The following ZNF594 variants were observed in gnomAD, a reference collection of about 807,000 sequenced individuals.
The protein encoded by ZNF594 is zinc finger protein HZF18.
For missense variants in ZNF594, 1,037 were observed against 964.6 expected (o/e 1.08, Z -0.99); for synonymous variants, 336 against 309.4 (o/e 1.09, Z -0.90).
At position 5,184,224 on chromosome 17, in the gene ZNF594, A is replaced by C; in HGVS notation, c.33T>G (p.Ser11=). 6.2e-7 allele frequency: 1 copy of C among 1,613,026 alleles called. No homozygotes were observed. Among genetic ancestry groups the C allele is most frequent in the Non-Finnish European group, 8.5e-7 (1 of 1,179,738 alleles). MKEWKSKMEI[S]EEKKSARAAS... ...CAGCCCTTGCTGACTTCTTTTCTTC[A>C]GAAATTTCCATCTTTGATTTCCATT... The change falls in exon 2 of 2, where the codon TCT becomes TCG. Residue 11 remains serine (S), a synonymous_variant. Transcript: ENST00000575779.
chr17:5,188,824 T>C (rs2074403258), intron 1 of ZNF594, among the ~76,000 whole-genome samples: 1 of 150,730 alleles, frequency 6.6e-6, no homozygotes, highest in African/African-American at 2.4e-5. Context: ...CTCGGCTCAC[T>C]GCAAGCTCCG....
Position 5,182,433 on chromosome 17 carries a change from GCT to G in ZNF594, c.1822_1823del (p.Ser608LeufsTer8), listed in dbSNP as rs762748873. 2 of 1,613,674 alleles carry G rather than the reference GCT, an allele frequency of 1.2e-6. No homozygotes were observed. The highest frequency in any genetic ancestry group is 2.2e-5 in the South Asian group (2 of 91,060). On this transcript the variant is annotated frameshift_variant, in exon 2 of 2. Coordinates refer to ENST00000575779, the MANE Select transcript of ZNF594 (RefSeq NM_032530.2). LOFTEE classifies it low-confidence loss of function (END_TRUNC). ...CKECGKTFNQ[S>X]SDLLRHHRIH... ...TTCTATGATGTCTCAGAAGGTCTGA[GCT>G]CTGATTGAAAGTTTTCCCACATTCT...
At chr17:5,177,914 G>A (rs990328144), downstream of ZNF594, among the ~76,000 whole-genome samples, 11 of 151,924 alleles carry the variant, frequency 7.2e-5, no homozygotes, top group South Asian at 6.2e-4. Context: ...TACATATACC[G>A]AAGGATTTGA....
In ZNF594 at chr17:5,183,602, C is replaced by T. The variant is rs200714230; in HGVS notation, c.655G>A (p.Ala219Thr). ...ACAAGGTTTGAGCTTCCCTTAAAAG[C>T]CTTCCCACACTCTTTGCACTCATAG... Reference protein sequence around the residue: ...NPYECKECGKAFKGSSNLVLH... With the variant: ...NPYECKECGKTFKGSSNLVLH... The change falls in exon 2 of 2, where the codon GCT becomes ACT. Residue 219 changes from alanine to threonine, a missense_variant. By Grantham distance (58) the Ala-to-Thr change is moderately conservative. Transcript: ENST00000575779. 2.7e-4 allele frequency: 433 copies of T among 1,614,174 alleles called. 2 individuals carry two copies. Among genetic ancestry groups the T allele is most frequent in the South Asian group, 1.8e-3 (168 of 91,084 alleles).
intron 1 of ZNF594, among the ~76,000 whole-genome samples, chr17:5,187,285 C>T (rs1267325133): frequency 2.0e-5 from 3 of 152,170 alleles, no homozygotes; most frequent in Non-Finnish European, 2.9e-5. Context: ...ATGATAAAAC[C>T]ATCAGATCTC....
At chr17:5,187,995 C>A (rs1032723591) in intron 1 of ZNF594, among the ~76,000 whole-genome samples, 1 of 150,324 alleles carries the variant, frequency 6.7e-6, no homozygotes, top group Non-Finnish European at 1.5e-5. Flanking sequence ...GCTGGGATTG[C>A]AGGTGTGAGG....
chr17:5,184,146 G>A lies in ZNF594; in HGVS notation c.111C>T (p.Thr37=). 4.3e-6 allele frequency: 7 copies of A among 1,614,130 alleles called. No homozygotes were observed. Among genetic ancestry groups the A allele is most frequent in the Non-Finnish European group, 5.9e-6 (7 of 1,180,032 alleles). Residue 37 remains threonine, a synonymous_variant, in exon 2 of 2, where the codon ACC becomes ACT. Coordinates refer to ENST00000575779, the MANE Select transcript of ZNF594 (RefSeq NM_032530.2). ...TCAATAATCTGTCCTCAGAATTACT[G>A]GTTTCAACTAACTCACATTCCTGGG... The part of the protein sequence containing the change: ...QITQECELVE[T]SNSEDRLLKH...
intron 1 of ZNF594, chr17:5,191,510 T>C (rs2074424233): frequency 6.6e-6 from 1 of 152,102 alleles, no homozygotes; most frequent in South Asian, 2.1e-4. Context: ...CCGTTAGCGG[T>C]ACCCACAGGA....
chr17:5,180,692 TA>T lies in ZNF594; in HGVS notation c.*1140del, dbSNP rs1384153793. 8.2e-6 allele frequency: 2 copies of T among 242,448 alleles called. No individual in the cohort carries two copies. Among genetic ancestry groups the T allele is most frequent in the Non-Finnish European group, 1.6e-5 (2 of 122,952 alleles). 15.0% of individuals were successfully genotyped at this position (242,448 alleles called of 1,614,324 possible). On this transcript the variant is annotated 3_prime_UTR_variant, in exon 2 of 2. Coordinates refer to ENST00000575779, the MANE Select transcript of ZNF594 (RefSeq NM_032530.2). ...TTTGTATGTTAAAAAATAAATAATT[TA>T]AAAAATTGTATCGTTGGGACCATAT...
intron 1 of ZNF594, among the ~76,000 whole-genome samples, chr17:5,188,405 G>C (rs1350762652): frequency 6.6e-6 from 1 of 151,740 alleles, no homozygotes; most frequent in African/African-American, 2.4e-5. Flanking sequence ...TCTGTATGAA[G>C]GCTTTCAAGT....
downstream of ZNF594, among the ~76,000 whole-genome samples, chr17:5,179,074 C>G (rs1428798559): frequency 6.6e-6 from 1 of 151,468 alleles, no homozygotes; most frequent in Non-Finnish European, 1.5e-5. Flanking sequence ...GAAGGCAGGA[C>G]CACAGGGAGG....
At position 5,181,644 on chromosome 17, in the gene ZNF594, G is replaced by A. The variant is rs199736811; in HGVS notation, c.*189C>T. On this transcript the variant is annotated 3_prime_UTR_variant, in exon 2 of 2. Transcript: ENST00000575779. The stretch of plus-strand genomic sequence containing the variant: ...TTTTTCACATTCAGTGCACTGATAG[G>A]GCTTCTCTCCAGTGTGGATTTTCTG... 1.3e-5 allele frequency: 21 copies of A among 1,585,290 alleles called. No homozygotes were observed. The highest frequency in any genetic ancestry group is 1.7e-4 in the Middle Eastern group (1 of 6,032).
rs762855685 is a variant in ZNF594 at position 5,182,419 on chromosome 17, C to T, written c.1838G>A (p.Arg613Lys). 3 of 1,613,700 alleles carry T rather than the reference C, an allele frequency of 1.9e-6. No individual in the cohort carries two copies. Among genetic ancestry groups the T allele is most frequent in the Non-Finnish European group, 2.5e-6 (3 of 1,179,972 alleles). The change falls in exon 2 of 2, where the codon AGA becomes AAA. Residue 613 changes from arginine to lysine, a missense_variant. Transcript: ENST00000575779. ...TTCTCCACTGTGAATTCTATGATGT[C>T]TCAGAAGGTCTGAGCTCTGATTGAA... ...KTFNQSSDLL[R>K]HHRIHSGEKP...
Position 5,181,096 on chromosome 17 carries a change from T to C in ZNF594, c.*737A>G. On this transcript the variant is annotated 3_prime_UTR_variant, in exon 2 of 2. Transcript: ENST00000575779. ...TCTCTGGTATGAATTCTTTGATGAC[T>C]GACAAGGTGTGAGTTCTGACTGAAG... is the stretch of plus-strand genomic sequence containing the variant. 6.8e-7 allele frequency: 1 copy of C among 1,470,618 alleles called. No homozygotes were observed. Among genetic ancestry groups the C allele is most frequent in the South Asian group, 1.1e-5 (1 of 88,178 alleles). The allele number at this position is 1,470,618 out of a possible 1,614,324, so 91.1% of individuals were successfully genotyped here.
Position 5,183,965 on chromosome 17 carries a change from A to AGC in ZNF594, c.290_291dup (p.Ser98AlafsTer18). ...TGGCCACTAACCTCATATCTATGGGAGCTTTCTCCTGCAGAAAGTATTTTT... is the reference window on the plus strand; with the variant it reads ...TGGCCACTAACCTCATATCTATGGGAGCGCTTTCTCCTGCAGAAAGTATTTTT... On this transcript the variant is annotated frameshift_variant, in exon 2 of 2. Transcript: ENST00000575779. LOFTEE classifies it low-confidence loss of function (END_TRUNC). The AGC allele has an allele frequency of 6.2e-7, 1 of 1,614,068 alleles. No individual in the cohort carries two copies. The highest frequency in any genetic ancestry group is 8.5e-7 in the Non-Finnish European group (1 of 1,180,022).
Position 5,182,873 on chromosome 17 carries a change from A to C in ZNF594, c.1384T>G (p.Cys462Gly), listed in dbSNP as rs1248276585. Residue 462 changes from cysteine to glycine, a missense_variant, in exon 2 of 2, where the codon TGT becomes GGT. Transcript: ENST00000575779. ...CTAAAGGCTTTCCCACATTCACTACATTCATAGGGTTTCTCTCCAGTATGA... is the reference window on the plus strand; with the variant it reads ...CTAAAGGCTTTCCCACATTCACTACCTTCATAGGGTTTCTCTCCAGTATGA... ...RVHTGEKPYE[C>G]SECGKAFSQR... is the part of the protein sequence containing the mutation. The C allele has an allele frequency of 7.4e-6, 12 of 1,614,042 alleles. No homozygotes were observed. The highest frequency in any genetic ancestry group is 1.1e-5 in the South Asian group (1 of 91,072).
At chr17:5,188,370 T>C (rs1172200397) in intron 1 of ZNF594, among the ~76,000 whole-genome samples, 1 of 152,038 alleles carries the variant, frequency 6.6e-6, no homozygotes, top group Non-Finnish European at 1.5e-5. Context: ...GCCTCTAGAT[T>C]TGATGAGGCG....
In ZNF594 at chr17:5,182,674, C is replaced by A; in HGVS notation, c.1583G>T (p.Arg528Leu). ...GCTCTGATGTTTGAGGAAAGCTGTG[C>A]GCCAAATGAAGAGCTTCCCACATTC... Reference protein sequence around the residue: ...CKECGKLFIWRTAFLKHQSLH... With the variant: ...CKECGKLFIWLTAFLKHQSLH... The change falls in exon 2 of 2, where the codon CGC becomes CTC. Residue 528 changes from arginine to leucine, a missense_variant. Coordinates refer to ENST00000575779, the MANE Select transcript of ZNF594 (RefSeq NM_032530.2). 1 of 1,613,826 alleles carries A rather than the reference C, an allele frequency of 6.2e-7. No homozygotes were observed. The highest frequency in any genetic ancestry group is 8.5e-7 in the Non-Finnish European group (1 of 1,179,958).
At chr17:5,179,324 C>T (rs987871937), downstream of ZNF594, among the ~76,000 whole-genome samples, 4 of 149,556 alleles carry the variant, frequency 2.7e-5, no homozygotes, top group Non-Finnish European at 5.9e-5. Flanking sequence ...ATGATGCCCA[C>T]CTGGCTGCCA....
Sources: allele counts gnomAD v4.1 joint callset (sites outside exome capture counted in the v4.1 genomes callset), GRCh38; gene constraint gnomAD v4.1.1; transcripts MANE v1.5; gene names NCBI Gene and HGNC (gene_info 2026-07-23, HGNC 2026-07-21).